Variants in PRKD1 observed in about 807,000 individuals in gnomAD.
The protein encoded by PRKD1 is protein kinase D1.
A neutral mutation model predicts 95.9 loss-of-function variants in PRKD1; 63 were observed. That is an observed-to-expected ratio of 0.66 (90% CI 0.54 to 0.81). The LOEUF (loss-of-function observed/expected upper bound fraction) is 0.81. Ranked by LOEUF, PRKD1 falls within the 30% of genes least tolerant of loss-of-function variation. PRKD1 has a pLI of 0.00. For synonymous variants in PRKD1, 425 were observed against 423.1 expected (o/e 1.00, Z -0.05); for missense variants, 1,048 against 1,165.3 (o/e 0.90, Z 1.47).
At chr14:29,608,135 A>G (rs889731870) in intron 13 of PRKD1, among the ~76,000 whole-genome samples, 3 of 152,168 alleles carry the variant, frequency 2.0e-5, no homozygotes, top group East Asian at 1.9e-4. Context: ...CATTTTGCCA[A>G]TCTGGATGCA....
rs191553863 is a variant in PRKD1, at chr14:29,741,526, A to G, written c.265-15852T>C. 1.1e-3 allele frequency among the ~76,000 whole-genome samples: 172 copies of G among 152,302 alleles called. 1 individual carries two copies. Among genetic ancestry groups the G allele is most frequent in the African/African-American group, 3.9e-3 (162 of 41,582 alleles). On this transcript the variant is annotated intron_variant, in intron 1 of 17. Coordinates refer to ENST00000331968, the MANE Select transcript of PRKD1 (RefSeq NM_002742.3). ...CCCAGACTCATAGCAAATGCTTTAT[A>G]TATGTTCGTTGTTGTTATTATAAGT...
intron 1 of PRKD1, among the ~76,000 whole-genome samples, chr14:29,843,842 T>C (rs1002672320): frequency 6.6e-6 from 1 of 152,188 alleles, no homozygotes; most frequent in African/African-American, 2.4e-5. Context: ...TTAAGAGTAA[T>C]AGTAAAAGTT....
intron 1 of PRKD1, among the ~76,000 whole-genome samples, chr14:29,756,931 T>C (rs894477382): frequency 6.6e-6 from 1 of 152,258 alleles, no homozygotes; most frequent in African/African-American, 2.4e-5. Context: ...TAATATCCTC[T>C]GGTTAGAACA....
chr14:29,805,357 A>C (rs892084968), intron 1 of PRKD1, among the ~76,000 whole-genome samples: 1 of 152,246 alleles, frequency 6.6e-6, no homozygotes, highest in African/African-American at 2.4e-5. Context: ...CTTGCAAAAT[A>C]ACAGAGAAAA....
chr14:29,708,677 ACCT>A (rs920847752), intron 2 of PRKD1, among the ~76,000 whole-genome samples: 43 of 151,964 alleles, frequency 2.8e-4, no homozygotes, highest in Non-Finnish European at 1.2e-4. Context: ...ACATGGCAAA[ACCT>A]CCTCTCTACA....
At chr14:29,655,080 C>T (rs192025080) in intron 4 of PRKD1, among the ~76,000 whole-genome samples, 5 of 152,154 alleles carry the variant, frequency 3.3e-5, no homozygotes, top group Admixed American at 1.3e-4. Context: ...AATCTGTTCC[C>T]GACTGCAATG....
chr14:29,781,793 T>C (rs1889058417), intron 1 of PRKD1, among the ~76,000 whole-genome samples: 1 of 152,200 alleles, frequency 6.6e-6, no homozygotes, highest in South Asian at 2.1e-4. Context: ...ACACCTTTAC[T>C]AAAGTAACTT....
chr14:29,715,167 T>C lies in PRKD1; in HGVS notation c.403+10369A>G, dbSNP rs182633264. On this transcript the variant is annotated intron_variant, in intron 2 of 17. Transcript: ENST00000331968. ...ATGCTACCAAAATTTACAAGTGTGT[T>C]ATTCATAACATCATTCAATATGTCA... Among the ~76,000 whole-genome samples, 28 of 152,246 alleles carry C rather than the reference T, an allele frequency of 1.8e-4. 1 individual carries two copies. The highest frequency in any genetic ancestry group is 1.8e-3 in the Admixed American group (28 of 15,276).
intron 2 of PRKD1, among the ~76,000 whole-genome samples, chr14:29,724,013 C>A (rs1273531554): frequency 6.6e-6 from 1 of 152,082 alleles, no homozygotes; most frequent in African/African-American, 2.4e-5. Flanking sequence ...AAGCAGAATG[C>A]TGTTCTCATG....
In PRKD1 at chr14:29,865,638, G is replaced by A. The variant is rs968473075; in HGVS notation, c.264+61611C>T. On this transcript the variant is annotated intron_variant, in intron 1 of 17. Coordinates refer to ENST00000331968, the MANE Select transcript of PRKD1 (RefSeq NM_002742.3). ...TGCCCTCACCATATGTCAATGCCAC[G>A]CTCTTAGATTTCCCAGTCTCCAGAA... Among the ~76,000 whole-genome samples, 3 of 152,210 alleles carry A rather than the reference G, an allele frequency of 2.0e-5. 1 individual carries two copies. The highest frequency in any genetic ancestry group is 4.1e-4 in the South Asian group (2 of 4,820).
intron 1 of PRKD1, among the ~76,000 whole-genome samples, chr14:29,814,928 T>C (rs1890632980): frequency 6.6e-6 from 1 of 152,214 alleles, no homozygotes; most frequent in African/African-American, 2.4e-5. Flanking sequence ...GATGGTTTAA[T>C]ATTTAAATAA....
At chr14:29,879,776 G>C (rs1394735917) in intron 1 of PRKD1, among the ~76,000 whole-genome samples, 2 of 152,184 alleles carry the variant, frequency 1.3e-5, no homozygotes, top group African/African-American at 4.8e-5. Flanking sequence ...GTCTCAGATG[G>C]AGATGAGGAA....
At position 29,927,378 on chromosome 14, in the gene PRKD1, CG is replaced by C; in HGVS notation, c.134del (p.Pro45ArgfsTer13). 5 of 1,553,176 alleles carry C rather than the reference CG, an allele frequency of 3.2e-6. No individual in the cohort carries two copies. The highest frequency in any genetic ancestry group is 1.2e-5 in the South Asian group (1 of 84,946). On this transcript the variant is annotated frameshift_variant, in exon 1 of 18. Coordinates refer to ENST00000331968, the MANE Select transcript of PRKD1 (RefSeq NM_002742.3). LOFTEE classifies it high-confidence loss of function. ...GCAGATGGAACGAGATGCCCCCGAC[CG>C]GGGCCGCGACAGGAGCCAAGAACGG... The part of the protein sequence containing the change: ...PAPFLAPVAA[P>X]VGGISFHLQI...
Position 29,818,840 on chromosome 14 carries a change from TTACTC to T in PRKD1, c.265-93171_265-93167del, listed in dbSNP as rs548013029. 5.0e-3 allele frequency among the ~76,000 whole-genome samples: 755 copies of T among 152,188 alleles called. 2 individuals carry two copies. The highest frequency in any genetic ancestry group is 0.011 in the Admixed American group (173 of 15,272). Reference sequence around the variant, plus strand: ...GTGAAGTTTCATAAATACTATCAATTTACTCTAAGAAAATTAAGTAATAACTTTAA... The same window carrying T: ...GTGAAGTTTCATAAATACTATCAATTTAAGAAAATTAAGTAATAACTTTAA... On this transcript the variant is annotated intron_variant, in intron 1 of 17. Transcript: ENST00000331968.
intron 1 of PRKD1, among the ~76,000 whole-genome samples, chr14:29,751,953 G>A (rs556030494): frequency 6.6e-6 from 1 of 152,302 alleles, no homozygotes; most frequent in South Asian, 2.1e-4. Context: ...ATTCAAAGTT[G>A]TAATTTAAGT....
intron 1 of PRKD1, among the ~76,000 whole-genome samples, chr14:29,888,585 G>A (rs973955840): frequency 1.3e-5 from 2 of 152,136 alleles, no homozygotes; most frequent in South Asian, 2.1e-4. Context: ...CAGCAAATCC[G>A]AAGTGGTACT....
chr14:29,833,244 T>C (rs948769575), intron 1 of PRKD1, among the ~76,000 whole-genome samples: 1 of 152,022 alleles, frequency 6.6e-6, no homozygotes, highest in Non-Finnish European at 1.5e-5. Flanking sequence ...ATAAATAGTA[T>C]GTTAAGTAGC....
chr14:29,819,877 T>C (rs1390092711), intron 1 of PRKD1, among the ~76,000 whole-genome samples: 2 of 152,310 alleles, frequency 1.3e-5, no homozygotes, highest in Middle Eastern at 3.4e-3. Flanking sequence ...TGAAACACTA[T>C]TGACCTGAAC....
At chr14:29,896,268 T>TA (rs1442901761) in intron 1 of PRKD1, among the ~76,000 whole-genome samples, 1 of 152,162 alleles carries the variant, frequency 6.6e-6, no homozygotes, top group African/African-American at 2.4e-5. Flanking sequence ...CACCAGAGCT[T>TA]AAATCCAGAT....
Sources: gnomAD v4.1 joint callset for allele counts (sites outside exome capture counted in the v4.1 genomes callset) on GRCh38, gnomAD v4.1.1 for gene constraint, MANE v1.5 for transcripts, NCBI Gene and HGNC (gene_info 2026-07-23, HGNC 2026-07-21) for gene names.